Variants in HMGA2 observed in about 807,000 individuals in gnomAD.
The protein encoded by HMGA2 is high mobility group AT-hook 2.
Under a neutral mutation model 19.1 loss-of-function variants are expected in HMGA2, and 8 were observed. The observed-to-expected ratio is 0.42, with a 90% CI of 0.25 to 0.76. The LOEUF (loss-of-function observed/expected upper bound fraction) is 0.76. HMGA2 is among the 30% of genes least tolerant of loss of function. The pLI is 0.28. For missense variants in HMGA2, 109 were observed against 136.3 expected, an observed-to-expected ratio of 0.80 and a Z score of 1.00; for synonymous variants, 60 against 48.8, an observed-to-expected ratio of 1.23 and a Z score of -0.96.
chr12:65,929,487 T>C (rs1592452033), intron 3 of HMGA2, among the ~76,000 whole-genome samples: 1 of 151,002 alleles, frequency 6.6e-6, no homozygotes, highest in African/African-American at 2.4e-5. Context: ...TGTATGTATA[T>C]ATGTAATATA....
chr12:65,950,803 G>A (rs900385791), intron 3 of HMGA2, among the ~76,000 whole-genome samples: 1 of 152,164 alleles, frequency 6.6e-6, no homozygotes, highest in East Asian at 1.9e-4. Context: ...TAAAAACAAA[G>A]TGAATCAAAC....
At chr12:65,849,736 A>ATT (rs34541445) in intron 3 of HMGA2, among the ~76,000 whole-genome samples, 874 of 84,916 alleles carry the variant, frequency 0.01, 14 homozygotes, top group Non-Finnish European at 0.014. Flanking sequence ...TAGGCTCTGT[A>ATT]TTTTTTTTTT....
intron 3 of HMGA2, among the ~76,000 whole-genome samples, chr12:65,939,393 T>C (rs768112858): frequency 2.0e-5 from 3 of 152,060 alleles, no homozygotes; most frequent in Non-Finnish European, 2.9e-5. Flanking sequence ...TCTCGCTCTG[T>C]CACCCAGGCT....
intron 2 of HMGA2, among the ~76,000 whole-genome samples, chr12:65,830,005 C>T (rs997093995): frequency 6.6e-6 from 1 of 151,928 alleles, no homozygotes; most frequent in African/African-American, 2.4e-5. Context: ...CAGAAGTAGG[C>T]TTTCTTTTTT....
chr12:65,824,611 A>G lies in HMGA2; in HGVS notation c.-660A>G, dbSNP rs1592365407. 2 of 225,666 alleles carry G rather than the reference A, an allele frequency of 8.9e-6. No individual in the cohort carries two copies. The highest frequency in any genetic ancestry group is 4.7e-5 in the African/African-American group (2 of 42,728). 14.0% of individuals were successfully genotyped at this position (225,666 alleles called of 1,614,324 possible). A position where few individuals can be genotyped will look rare whatever the true frequency, so the allele number is the denominator to read the frequency against. On this transcript the variant is annotated 5_prime_UTR_variant, in exon 1 of 5. Transcript: ENST00000403681. ...CCTAGGAGGCGCGGTGCCACCCACT[A>G]CTCTGTCCTCTGCCTGTGCTCCGTG...
chr12:65,824,713 T>TTCTCTCTCTCTCTGTC lies in HMGA2; in HGVS notation c.-545_-544insGTCTCTCTCTCTCTCT, dbSNP rs1870023987. On this transcript the variant is annotated 5_prime_UTR_variant, in exon 1 of 5. Coordinates refer to ENST00000403681, the MANE Select transcript of HMGA2 (RefSeq NM_003483.6). The stretch of plus-strand genomic sequence containing the variant: ...CCAAGGCACTTTCAATCTCAATCTC[T>TTCTCTCTCTCTCTGTC]TCTCTCTCTCTCTCTCTCTCTCTCT... 7.7e-6 allele frequency: 1 copy of TTCTCTCTCTCTCTGTC among 129,124 alleles called. No homozygotes were observed. Among genetic ancestry groups the TTCTCTCTCTCTCTGTC allele is most frequent in the African/African-American group, 3.5e-5 (1 of 28,600 alleles). 8.0% of individuals were successfully genotyped at this position (129,124 alleles called of 1,614,324 possible).
At chr12:65,903,325 A>G (rs78160082) in intron 3 of HMGA2, among the ~76,000 whole-genome samples, 370 of 152,356 alleles carry the variant, frequency 2.4e-3, no homozygotes, top group South Asian at 8.9e-3. Flanking sequence ...ATATATGGCC[A>G]ATGTATGCTA....
At chr12:65,922,640 G>A (rs1592447458) in intron 3 of HMGA2, among the ~76,000 whole-genome samples, 2 of 152,136 alleles carry the variant, frequency 1.3e-5, no homozygotes, top group South Asian at 2.1e-4. Context: ...CTAAGACTTT[G>A]GGGGACTGTT....
chr12:65,861,212 A>G (rs1435305343), intron 3 of HMGA2, among the ~76,000 whole-genome samples: 1 of 152,136 alleles, frequency 6.6e-6, no homozygotes, highest in African/African-American at 2.4e-5. Flanking sequence ...CTGAAAATAC[A>G]AAAAATGAGC....
At chr12:65,899,062 A>AG (rs1324259665) in intron 3 of HMGA2, among the ~76,000 whole-genome samples, 1 of 150,878 alleles carries the variant, frequency 6.6e-6, no homozygotes, top group East Asian at 1.9e-4. Context: ...AAAAAAAAAA[A>AG]AAAAAAAAAA....
intron 2 of HMGA2, among the ~76,000 whole-genome samples, chr12:65,830,057 A>T (rs999317524): frequency 6.6e-6 from 1 of 151,980 alleles, no homozygotes; most frequent in Non-Finnish European, 1.5e-5. Flanking sequence ...TTTCAGACAC[A>T]ATTATTTCCT....
At chr12:65,907,638 C>T (rs138577562) in intron 3 of HMGA2, among the ~76,000 whole-genome samples, 301 of 151,984 alleles carry the variant, frequency 2.0e-3, no homozygotes, top group Middle Eastern at 0.01. Context: ...AATAGGGAAC[C>T]GAAAGATAGG....
intron 2 of HMGA2, among the ~76,000 whole-genome samples, chr12:65,835,824 G>A (rs1339806335): frequency 6.6e-6 from 1 of 152,048 alleles, no homozygotes; most frequent in South Asian, 2.1e-4. Flanking sequence ...AGGTCAATAG[G>A]CTCCTTCTCC....
intron 3 of HMGA2, among the ~76,000 whole-genome samples, chr12:65,934,381 C>A (rs1269987837): frequency 1.3e-5 from 2 of 152,146 alleles, no homozygotes; most frequent in Non-Finnish European, 2.9e-5. Flanking sequence ...TACTTTTATG[C>A]TTTGGTCTTT....
intron 3 of HMGA2, among the ~76,000 whole-genome samples, chr12:65,907,431 A>AG (rs1874644394): frequency 6.7e-6 from 1 of 149,078 alleles, no homozygotes; most frequent in Non-Finnish European, 1.5e-5. Flanking sequence ...AAAAAAAAAA[A>AG]GGTGGGGGGT....
At chr12:65,835,098 G>A (rs1870657757) in intron 2 of HMGA2, among the ~76,000 whole-genome samples, 1 of 152,126 alleles carries the variant, frequency 6.6e-6, no homozygotes, top group African/African-American at 2.4e-5. Flanking sequence ...AATTAGTTAT[G>A]CCTCTGTTAT....
rs147931501 is a variant in HMGA2, at chr12:65,899,370, G to A, written c.250-52013G>A. On this transcript the variant is annotated intron_variant, in intron 3 of 4. Transcript: ENST00000403681. ...ACTTTTTTCTCCCATAATGACTTCCGATCCTACTTCTCCCTGATTCAGTAT... is the reference window on the plus strand; with the variant it reads ...ACTTTTTTCTCCCATAATGACTTCCAATCCTACTTCTCCCTGATTCAGTAT... Among the ~76,000 whole-genome samples, 6 of 152,120 alleles carry A rather than the reference G, an allele frequency of 3.9e-5. No homozygotes were observed. The South Asian group carries it at 6.2e-4, about 16-fold the overall frequency.
chr12:65,853,231 T>C (rs1044193345), intron 3 of HMGA2, among the ~76,000 whole-genome samples: 19 of 152,154 alleles, frequency 1.2e-4, no homozygotes, highest in African/African-American at 4.6e-4. Flanking sequence ...GAAAGTAGCC[T>C]GGACATGGTA....
At chr12:65,915,243 G>T in intron 3 of HMGA2, 1 of 1,563,118 alleles carries the variant, frequency 6.4e-7, no homozygotes, top group Non-Finnish European at 8.7e-7. Context: ...AACCTATCAG[G>T]TGTCTTTTAG....
Sources: gnomAD v4.1 joint callset for allele counts (sites outside exome capture counted in the v4.1 genomes callset) on GRCh38, gnomAD v4.1.1 for gene constraint, MANE v1.5 for transcripts, NCBI Gene and HGNC (gene_info 2026-07-23, HGNC 2026-07-21) for gene names.